CYRIA: variants seen among roughly 807,000 people sequenced by gnomAD.
CYRIA encodes CYFIP related Rac1 interactor A.
A neutral mutation model predicts 43.9 loss-of-function variants in CYRIA; 15 were observed. That is an observed-to-expected ratio of 0.34 (90% confidence interval 0.23 to 0.53). The LOEUF is 0.53. Among genes scored for constraint, CYRIA ranks in the 20% least tolerant of loss-of-function variants. The pLI is 0.94. For missense variants in CYRIA, 236 were observed against 394.2 expected (o/e 0.60, Z 3.40); for synonymous variants, 117 against 136.0 (o/e 0.86, Z 0.97).
chr2:16,619,184 C>A (rs1407600274), intron 2 of CYRIA, among the ~76,000 whole-genome samples: 1 of 152,134 alleles, frequency 6.6e-6, no homozygotes, highest in Non-Finnish European at 1.5e-5. Context: ...TTAAGTCTAG[C>A]CCATCCATTC....
intron 9 of CYRIA, among the ~76,000 whole-genome samples, chr2:16,559,793 T>G (rs926666382): frequency 6.6e-6 from 1 of 152,094 alleles, no homozygotes; most frequent in Non-Finnish European, 1.5e-5. Flanking sequence ...GAAAATGAAG[T>G]AAATTAAAGG....
intron 2 of CYRIA, among the ~76,000 whole-genome samples, chr2:16,588,644 A>C (rs1443062771): frequency 6.6e-6 from 1 of 152,112 alleles, no homozygotes; most frequent in Non-Finnish European, 1.5e-5. Flanking sequence ...CATTTTAAAA[A>C]TACCTGTCCA....
At chr2:16,633,879 C>T (rs1404997072) in intron 1 of CYRIA, among the ~76,000 whole-genome samples, 1 of 152,124 alleles carries the variant, frequency 6.6e-6, no homozygotes, top group African/African-American at 2.4e-5. Context: ...CCTACCCTTC[C>T]CCTGGGAGTA....
intron 10 of CYRIA, among the ~76,000 whole-genome samples, chr2:16,556,523 T>G (rs1194890152): frequency 6.6e-6 from 1 of 152,036 alleles, no homozygotes; most frequent in African/African-American, 2.4e-5. Flanking sequence ...GAATCCGGAG[T>G]TCCACTTAGG....
chr2:16,607,354 G>C (rs1668443220), intron 2 of CYRIA, among the ~76,000 whole-genome samples: 1 of 152,004 alleles, frequency 6.6e-6, no homozygotes, highest in African/African-American at 2.4e-5. Context: ...AGAATCCAGG[G>C]AGCAAATAGA....
rs1407093942 is a variant in CYRIA at position 16,552,849 on chromosome 2, C to T, written c.*87G>A. The stretch of plus-strand genomic sequence containing the variant: ...AGAAGGAAACGGTTATGTAAATACA[C>T]AAGTATTAACATCAATCTGTATTAA... On this transcript the variant is annotated 3_prime_UTR_variant, in exon 12 of 12. Coordinates refer to ENST00000381323, the MANE Select transcript of CYRIA (RefSeq NM_030797.4). 1.2e-6 allele frequency: 1 copy of T among 855,070 alleles called. No homozygotes were observed. The highest frequency in any genetic ancestry group is 2.0e-6 in the Non-Finnish European group (1 of 501,580). 53.0% of individuals were successfully genotyped at this position (855,070 alleles called of 1,614,324 possible). A position where few individuals can be genotyped will look rare whatever the true frequency, so the allele number is the denominator to read the frequency against.
Position 16,562,022 on chromosome 2 carries a change from G to A in CYRIA, c.418C>T (p.Arg140Ter), listed in dbSNP as rs776202730. The A allele has an allele frequency of 2.5e-6, 4 of 1,612,892 alleles. No homozygotes were observed. The highest frequency in any genetic ancestry group is 1.1e-5 in the South Asian group (1 of 90,928). Residue 140 changes from arginine to a stop codon, truncating the protein, a stop_gained, in exon 6 of 12, where the codon CGA becomes TGA. Transcript: ENST00000381323. LOFTEE classifies it high-confidence loss of function. ...GGCCTAACCTTCAGCTCATCGAATC[G>A]AAGGGTAAAATGTAAAATTTCGGCA... ...EFAEILHFTL[R>*]FDELKMRNPA... is the part of the protein sequence containing the mutation.
chr2:16,607,030 C>T (rs1237861388), intron 2 of CYRIA, among the ~76,000 whole-genome samples: 2 of 152,178 alleles, frequency 1.3e-5, no homozygotes, highest in African/African-American at 4.8e-5. Context: ...GAGAGATTAG[C>T]ATGCTCCGTG....
intron 4 of CYRIA, among the ~76,000 whole-genome samples, chr2:16,564,729 C>A (rs765164507): frequency 5.3e-5 from 8 of 152,040 alleles, no homozygotes; most frequent in Non-Finnish European, 1.2e-4. Flanking sequence ...GGTATTGCCA[C>A]AAAACTAATG....
intron 2 of CYRIA, among the ~76,000 whole-genome samples, chr2:16,589,826 A>G (rs1667859147): frequency 1.3e-5 from 2 of 152,100 alleles, no homozygotes; most frequent in African/African-American, 4.8e-5. Context: ...CTGTGCTAGG[A>G]AAGAGAAGAC....
intron 6 of CYRIA, 101 bp from the exon 7 acceptor site, chr2:16,561,634 C>T: frequency 1.1e-6 from 1 of 894,254 alleles, no homozygotes; most frequent in Non-Finnish European, 1.8e-6. Context: ...TACTCCAGGA[C>T]TTCTCTTTGT....
intron 2 of CYRIA, among the ~76,000 whole-genome samples, chr2:16,604,753 CCATT>C (rs1452834367): frequency 1.3e-5 from 2 of 152,198 alleles, no homozygotes; most frequent in African/African-American, 4.8e-5. Flanking sequence ...GCCAGGTTAG[CCATT>C]TTAGATGGCG....
chr2:16,606,710 C>T (rs1414327684), intron 2 of CYRIA, among the ~76,000 whole-genome samples: 3 of 152,052 alleles, frequency 2.0e-5, no homozygotes, highest in Non-Finnish European at 4.4e-5. Flanking sequence ...GACCAGGAGG[C>T]GAGTCCTGAT....
chr2:16,563,832 G>T (rs1666833422), intron 5 of CYRIA, among the ~76,000 whole-genome samples, 157 bp downstream of exon 5: 1 of 152,144 alleles, frequency 6.6e-6, no homozygotes. Context: ...TGAAAGAAAT[G>T]AAAATGACAA....
chr2:16,552,431 A>T lies in CYRIA; in HGVS notation c.*505T>A, dbSNP rs1271260270. On this transcript the variant is annotated 3_prime_UTR_variant, in exon 12 of 12. Transcript: ENST00000381323. ...AGTTGCACGTGTGGACTGCAGTCTGAGGACAGAGAGGGGGTGTGCTGAATT... is the reference window on the plus strand; with the variant it reads ...AGTTGCACGTGTGGACTGCAGTCTGTGGACAGAGAGGGGGTGTGCTGAATT... 1 of 152,884 alleles carries T rather than the reference A, an allele frequency of 6.5e-6. No individual in the cohort carries two copies. Among genetic ancestry groups the T allele is most frequent in the Non-Finnish European group, 1.5e-5 (1 of 68,580 alleles). 9.5% of individuals were successfully genotyped at this position (152,884 alleles called of 1,614,324 possible). A position where few individuals can be genotyped will look rare whatever the true frequency, so the allele number is the denominator to read the frequency against.
chr2:16,574,778 C>T (rs1157980776), intron 3 of CYRIA, among the ~76,000 whole-genome samples: 5 of 152,170 alleles, frequency 3.3e-5, no homozygotes, highest in Non-Finnish European at 7.3e-5. Flanking sequence ...TATGAAAATG[C>T]CTGGATGTCC....
At chr2:16,586,211 TACC>T (rs1572482168) in intron 3 of CYRIA, among the ~76,000 whole-genome samples, 1 of 152,136 alleles carries the variant, frequency 6.6e-6, no homozygotes, top group East Asian at 1.9e-4. Flanking sequence ...TGGGACACGT[TACC>T]ACTATTTTGG....
intron 4 of CYRIA, among the ~76,000 whole-genome samples, chr2:16,564,464 T>C (rs1330598542): frequency 1.3e-5 from 2 of 152,232 alleles, no homozygotes; most frequent in African/African-American, 2.4e-5. Context: ...TTATCTTTAA[T>C]AGGTATTGCA....
chr2:16,615,800 G>A (rs1463351003), intron 2 of CYRIA, among the ~76,000 whole-genome samples: 2 of 152,316 alleles, frequency 1.3e-5, no homozygotes, highest in Middle Eastern at 3.4e-3. Context: ...TGTAACATTC[G>A]GTGGCTCAGT....
Sources: allele counts gnomAD v4.1 joint callset (sites outside exome capture counted in the v4.1 genomes callset), GRCh38; gene constraint gnomAD v4.1.1; transcripts MANE v1.5; gene names NCBI Gene and HGNC (gene_info 2026-07-23, HGNC 2026-07-21).